Variants in RNF7 observed in about 807,000 individuals in gnomAD.
The protein encoded by RNF7 is RING-box protein 2.
RNF7 carries 9 observed loss-of-function variants against 17.0 expected under a neutral mutation model. That is an observed-to-expected ratio of 0.53 (90% confidence interval 0.32 to 0.92). The LOEUF is 0.92. Among genes scored for constraint, RNF7 ranks in the 40% least tolerant of loss-of-function variants. The pLI is 0.04. For synonymous variants in RNF7, 59 were observed against 50.5 expected, an observed-to-expected ratio of 1.17 and a Z score of -0.72; for missense variants, 87 against 145.8, an observed-to-expected ratio of 0.60 and a Z score of 2.08.
intron 1 of RNF7, among the ~76,000 whole-genome samples, chr3:141,742,026 G>A (rs2084423118): frequency 1.3e-5 from 2 of 151,304 alleles, no homozygotes; most frequent in African/African-American, 4.9e-5. Context: ...AGGGCTACAA[G>A]TACAGGGTTG....
At chr3:141,741,996 T>A (rs1165679082) in intron 1 of RNF7, among the ~76,000 whole-genome samples, 6 of 152,054 alleles carry the variant, frequency 3.9e-5, no homozygotes, top group East Asian at 1.9e-4. Context: ...CTTTTTTTTT[T>A]TAAAAAAACT....
At chr3:141,743,191 C>T (rs1428595490) in intron 1 of RNF7, among the ~76,000 whole-genome samples, 3 of 152,054 alleles carry the variant, frequency 2.0e-5, no homozygotes, top group South Asian at 2.1e-4. Context: ...GCCCAGTAAG[C>T]GTATGGTAAC....
At chr3:141,738,648 C>A in intron 1 of RNF7, 132 bp downstream of exon 1, 1 of 981,642 alleles carries the variant, frequency 1.0e-6, no homozygotes, top group Non-Finnish European at 1.4e-6. Flanking sequence ...GGTCGCCCTG[C>A]CCCGGCGCCG....
intron 1 of RNF7, among the ~76,000 whole-genome samples, chr3:141,740,027 C>T (rs566519261): frequency 1.3e-5 from 2 of 152,110 alleles, no homozygotes; most frequent in African/African-American, 2.4e-5. Flanking sequence ...CAGAATGAGA[C>T]CCTGTCTCAG....
chr3:141,742,789 T>C (rs992617426), intron 1 of RNF7: 1 of 1,265,970 alleles, frequency 7.9e-7, no homozygotes, highest in African/African-American at 1.6e-5. Flanking sequence ...TGGATGACCA[T>C]CGGTAGCAAC....
chr3:141,740,496 GCTA>G, intron 1 of RNF7, among the ~76,000 whole-genome samples: 1 of 152,268 alleles, frequency 6.6e-6, no homozygotes, highest in East Asian at 1.9e-4. Flanking sequence ...CAAGTATTCT[GCTA>G]CTACAGGATC....
rs1401684034 is a variant in RNF7 at position 141,738,372 on chromosome 3, T to C, written c.31T>C (p.Cys11Arg). The change falls in exon 1 of 3, where the codon TGC becomes CGC. Residue 11 changes from cysteine (C) to arginine (R), a missense_variant. By Grantham distance (180) the Cys-to-Arg change is radical. Coordinates refer to ENST00000273480, the MANE Select transcript of RNF7 (RefSeq NM_014245.5). ...CGACGTGGAAGACGGAGAGGAAACC[T>C]GCGCCCTGGCCTCTCACTCCGGGAG... is the stretch of plus-strand genomic sequence containing the variant. Reference protein sequence around the residue: MADVEDGEETCALASHSGSSG... With the variant: MADVEDGEETRALASHSGSSG... 1.3e-6 allele frequency: 2 copies of C among 1,570,604 alleles called. No individual in the cohort carries two copies. Among genetic ancestry groups the C allele is most frequent in the Admixed American group, 1.8e-5 (1 of 55,610 alleles).
In RNF7 at chr3:141,745,379, A is replaced by G; in HGVS notation, c.*102A>G. 1 of 679,858 alleles carries G rather than the reference A, an allele frequency of 1.5e-6. No individual in the cohort carries two copies. The highest frequency in any genetic ancestry group is 2.5e-6 in the Non-Finnish European group (1 of 396,836). 42.1% of individuals were successfully genotyped at this position (679,858 alleles called of 1,614,324 possible). A position where few individuals can be genotyped will look rare whatever the true frequency, so the allele number is the denominator to read the frequency against. ...GAACACTACAGGGGATGAATTCTTCAAATAGGAGCCGATGGATCTGTGGTC... is the reference window on the plus strand; with the variant it reads ...GAACACTACAGGGGATGAATTCTTCGAATAGGAGCCGATGGATCTGTGGTC... On this transcript the variant is annotated 3_prime_UTR_variant, in exon 3 of 3. Transcript: ENST00000273480.
intron 1 of RNF7, among the ~76,000 whole-genome samples, chr3:141,741,630 A>T (rs1426587304): frequency 6.6e-6 from 1 of 152,218 alleles, no homozygotes; most frequent in African/African-American, 2.4e-5. Context: ...CAGCTAGTGA[A>T]TGAGTCCATT....
At chr3:141,742,944 GC>G (rs2084435926) in intron 1 of RNF7, 1 of 1,013,852 alleles carries the variant, frequency 9.9e-7, no homozygotes, top group African/African-American at 1.7e-5. Context: ...TGTTTATGAA[GC>G]AATTTTTTAA....
intron 1 of RNF7, chr3:141,742,695 C>G (rs1430545150): frequency 7.5e-6 from 9 of 1,196,976 alleles, no homozygotes; most frequent in African/African-American, 4.7e-5. Context: ...CTAATAAATG[C>G]CAGTGAAATG....
intron 1 of RNF7, among the ~76,000 whole-genome samples, chr3:141,742,258 G>A (rs535667645): frequency 1.3e-4 from 17 of 130,026 alleles, no homozygotes; most frequent in African/African-American, 4.5e-4. Flanking sequence ...ACGGAGTCTC[G>A]CTCTTTCGCC....
At chr3:141,744,381 T>G (rs1316066729) in intron 2 of RNF7, among the ~76,000 whole-genome samples, 2 of 152,210 alleles carry the variant, frequency 1.3e-5, no homozygotes, top group African/African-American at 4.8e-5. Flanking sequence ...CTGCCTTATT[T>G]CTTTCATTTA....
intron 1 of RNF7, among the ~76,000 whole-genome samples, chr3:141,740,168 CT>C (rs543733202): frequency 4.5e-3 from 634 of 139,848 alleles, no homozygotes; most frequent in Middle Eastern, 0.011. Flanking sequence ...CCAGGAGACT[CT>C]TTTTTTTTTT....
chr3:141,740,511 G>T (rs1445710797), intron 1 of RNF7, among the ~76,000 whole-genome samples: 1 of 152,130 alleles, frequency 6.6e-6, no homozygotes, highest in South Asian at 2.1e-4. Flanking sequence ...TACAGGATCA[G>T]TCTTGCATAT....
intron 2 of RNF7, 122 bp downstream of exon 2, chr3:141,743,678 C>T: frequency 1.5e-6 from 1 of 645,432 alleles, no homozygotes; most frequent in Non-Finnish European, 2.6e-6. Flanking sequence ...AGCAGTGATC[C>T]ATTGTTAATA....
At chr3:141,743,172 C>G (rs2084438596) in intron 1 of RNF7, 1 of 236,348 alleles carries the variant, frequency 4.2e-6, no homozygotes, top group South Asian at 8.7e-5. Context: ...ATAAACTGTC[C>G]ATGAGCATGC....
intron 1 of RNF7, among the ~76,000 whole-genome samples, chr3:141,740,457 A>C (rs182282125): frequency 7.8e-4 from 119 of 152,324 alleles, no homozygotes; most frequent in African/African-American, 2.8e-3. Flanking sequence ...TATAAATGAC[A>C]CATTTCATCA....
chr3:141,742,071 G>T (rs952970779), intron 1 of RNF7, among the ~76,000 whole-genome samples: 3 of 151,402 alleles, frequency 2.0e-5, no homozygotes, highest in Non-Finnish European at 4.4e-5. Context: ...AGGGTTTGTT[G>T]CACAGATTAT....
Sources: allele counts gnomAD v4.1 joint callset (sites outside exome capture counted in the v4.1 genomes callset), GRCh38; gene constraint gnomAD v4.1.1; transcripts MANE v1.5; gene names NCBI Gene and HGNC (gene_info 2026-07-23, HGNC 2026-07-21).